The following FRMD3 variants were observed in gnomAD, a reference collection of about 807,000 sequenced individuals.
The protein encoded by FRMD3 is FERM domain containing 3, also known as FERM domain-containing protein 3.
A neutral mutation model predicts 70.2 loss-of-function variants in FRMD3; 33 were observed. That is an observed-to-expected ratio of 0.47 (90% CI 0.36 to 0.63). FRMD3 has a LOEUF of 0.63. FRMD3 is among the 20% of genes least tolerant of loss of function. The probability of loss-of-function intolerance (pLI) is 0.00; values close to 1 mark genes in which losing one functional copy is unlikely to be tolerated. For synonymous variants in FRMD3, 279 were observed against 255.9 expected, an observed-to-expected ratio of 1.09 and a Z score of -0.86; for missense variants, 632 against 711.4, an observed-to-expected ratio of 0.89 and a Z score of 1.27.
intron 1 of FRMD3, among the ~76,000 whole-genome samples, chr9:83,487,193 A>T (rs948314542): frequency 6.6e-6 from 1 of 152,236 alleles, no homozygotes; most frequent in Non-Finnish European, 1.5e-5. Context: ...TTATGCCAGT[A>T]GTCACAAACC....
intron 1 of FRMD3, among the ~76,000 whole-genome samples, chr9:83,534,304 C>T (rs947303803): frequency 6.6e-6 from 1 of 152,238 alleles, no homozygotes; most frequent in Non-Finnish European, 1.5e-5. Flanking sequence ...GAGCCAGTGA[C>T]TTCCACATCT....
At position 83,267,007 on chromosome 9, in the gene FRMD3, C is replaced by A. The variant is rs564439286; in HGVS notation, c.1196-18491G>T. ...CAGGATGACAGCCCAGGGCACCACA[C>A]ATACCAGTGTTACGAGCTGTGACCT... is the stretch of plus-strand genomic sequence containing the variant. On this transcript the variant is annotated intron_variant, in intron 13 of 13. Transcript: ENST00000304195. The A allele has an allele frequency of 2.6e-6, 4 of 1,550,730 alleles. No homozygotes were observed. In the Admixed American group the frequency reaches 7.8e-5, roughly 30 times the overall value.
chr9:83,500,502 G>GCACA lies in FRMD3; in HGVS notation c.147+37579_147+37582dup, dbSNP rs3084172. ...CATAGAGTGCTTGGCGTGTATGCGC[G>GCACA]CACACACACACACACACACACACAC... On this transcript the variant is annotated intron_variant, in intron 1 of 13. Coordinates refer to ENST00000304195, the MANE Select transcript of FRMD3 (RefSeq NM_174938.6). 7.3e-3 allele frequency among the ~76,000 whole-genome samples: 1,054 copies of GCACA among 143,772 alleles called. 10 individuals are homozygous for GCACA. The highest frequency in any genetic ancestry group is 0.016 in the African/African-American group (617 of 39,080). 94.3% of individuals were successfully genotyped at this position (143,772 alleles called of 152,430 possible).
At chr9:83,295,998 G>A (rs761867113) in intron 12 of FRMD3, among the ~76,000 whole-genome samples, 2 of 152,224 alleles carry the variant, frequency 1.3e-5, no homozygotes, top group African/African-American at 2.4e-5. Context: ...AGCAGATGTA[G>A]GAGTCTGTGA....
Position 83,248,038 on chromosome 9 carries a change from G to T in FRMD3, c.1674C>A (p.Phe558Leu). The T allele has an allele frequency of 1.2e-6, 2 of 1,614,152 alleles. No individual in the cohort carries two copies. Among genetic ancestry groups the T allele is most frequent in the Non-Finnish European group, 1.7e-6 (2 of 1,180,030 alleles). ...CTGGTGTCTGGCGGATTTCGCATAA[G>T]AAGGAGAGATCAATACCTGACTCCA... is the stretch of plus-strand genomic sequence containing the variant. Reference protein sequence around the residue: ...LLLESGIDLSFLCEIRQTPEF... With the variant: ...LLLESGIDLSLLCEIRQTPEF... Residue 558 changes from phenylalanine to leucine, a missense_variant, in exon 14 of 14, where the codon TTC becomes TTA. Phe to Leu is a conservative substitution (Grantham distance 22). This residue lies in a region of FRMD3 where 418 missense variants were observed against 442.1 expected (regional missense o/e 0.95). Transcript: ENST00000304195.
intron 10 of FRMD3, among the ~76,000 whole-genome samples, chr9:83,302,872 C>T (rs1359166): frequency 0.18 from 27,798 of 152,114 alleles, 3,081 homozygotes; most frequent in East Asian, 0.41. Context: ...CGCTCTCCTA[C>T]AGCCTTCTGC....
chr9:83,299,254 TGTG>T, intron 10 of FRMD3, 68 bp from the exon 11 acceptor site: 2 of 942,300 alleles, frequency 2.1e-6, no homozygotes, highest in South Asian at 2.9e-5. Flanking sequence ...GCTATAGAGG[TGTG>T]GTGATGGGGT....
In FRMD3 at chr9:83,398,732, C is replaced by G. The variant is rs140629639; in HGVS notation, c.148-9024G>C. The stretch of plus-strand genomic sequence containing the variant: ...TCTGTTTTAGAGTAATAATTAGTAG[C>G]TAAAGCTAAGATAATTGCAAATACA... On this transcript the variant is annotated intron_variant, in intron 1 of 13. Transcript: ENST00000304195. 6.2e-3 allele frequency among the ~76,000 whole-genome samples: 945 copies of G among 152,190 alleles called. 11 individuals are homozygous for G. Among genetic ancestry groups the G allele is most frequent in the African/African-American group, 0.022 (896 of 41,514 alleles).
chr9:83,525,675 G>A (rs373738671), intron 1 of FRMD3, among the ~76,000 whole-genome samples: 2 of 152,150 alleles, frequency 1.3e-5, no homozygotes, highest in African/African-American at 4.8e-5. Flanking sequence ...ACTGAAAGAG[G>A]TCTTTTTCAT....
upstream of FRMD3, among the ~76,000 whole-genome samples, chr9:83,539,539 G>A (rs1829972980): frequency 5.3e-5 from 8 of 152,320 alleles, no homozygotes; most frequent in South Asian, 1.7e-3. Flanking sequence ...GTTTGTGCCT[G>A]CATAGAGTCC....
At chr9:83,557,201 T>C in the FRMD3 span, among the ~76,000 whole-genome samples, 1 of 152,216 alleles carries the variant, frequency 6.6e-6, no homozygotes, top group Non-Finnish European at 1.5e-5. Context: ...AGTCTTCTCT[T>C]CCAAGGCATC....
chr9:83,261,291 C>G (rs1177392869), intron 13 of FRMD3, among the ~76,000 whole-genome samples: 1 of 152,166 alleles, frequency 6.6e-6, no homozygotes, highest in African/African-American at 2.4e-5. Flanking sequence ...TTCATCCTTG[C>G]AGACTAAACT....
At chr9:83,272,320 C>T (rs1833590602) in intron 13 of FRMD3, among the ~76,000 whole-genome samples, 1 of 151,962 alleles carries the variant, frequency 6.6e-6, no homozygotes, top group Non-Finnish European at 1.5e-5. Flanking sequence ...GTTGGCCGGG[C>T]TGGTCTCCAG....
In FRMD3 at chr9:83,311,989, AAAAG is replaced by A. The variant is rs746013802; in HGVS notation, c.685-18_685-15del. On this transcript the variant is annotated splice_polypyrimidine_tract_variant and intron_variant, in intron 7 of 13. Coordinates refer to ENST00000304195, the MANE Select transcript of FRMD3 (RefSeq NM_174938.6). ...GCCTGTTGAATCCTGAAAAAAAAAA[AAAAG>A]AAAAAAGAAAAATCTGTTTAGATTG... The A allele has an allele frequency of 2.1e-5, 32 of 1,543,924 alleles. No homozygotes were observed. The African/African-American group carries it at 2.1e-4, about 10-fold the overall frequency.
chr9:83,492,875 T>C (rs1035878411), intron 1 of FRMD3, among the ~76,000 whole-genome samples: 3 of 152,194 alleles, frequency 2.0e-5, no homozygotes, highest in African/African-American at 4.8e-5. Flanking sequence ...CTCGTCCTCA[T>C]AGCTCTCCCC....
intron 6 of FRMD3, among the ~76,000 whole-genome samples, chr9:83,320,225 T>C (rs1340659905): frequency 6.6e-6 from 1 of 152,218 alleles, no homozygotes; most frequent in Non-Finnish European, 1.5e-5. Flanking sequence ...CATCTTTGTC[T>C]TGTTCCCGTT....
rs1564021879 is a variant in FRMD3, at chr9:83,335,642, G to A, written c.473-3C>T. ...AGGATCGTAATCACCAAGCTCAGCT[G>A]TAATGAGTGAAAAAATAAAGAGACA... On this transcript the variant is annotated splice_polypyrimidine_tract_variant and splice_region_variant and intron_variant, in intron 5 of 13. Coordinates refer to ENST00000304195, the MANE Select transcript of FRMD3 (RefSeq NM_174938.6). The A allele has an allele frequency of 6.2e-7, 1 of 1,609,816 alleles. No homozygotes were observed.
At chr9:83,428,300 C>T (rs1417646394) in intron 1 of FRMD3, among the ~76,000 whole-genome samples, 2 of 151,874 alleles carry the variant, frequency 1.3e-5, no homozygotes, top group African/African-American at 4.8e-5. Flanking sequence ...ATTGCTTGAA[C>T]CCGGGAGGCA....
At chr9:83,442,133 A>T (rs1160231474) in intron 1 of FRMD3, among the ~76,000 whole-genome samples, 2 of 152,152 alleles carry the variant, frequency 1.3e-5, no homozygotes, top group African/African-American at 2.4e-5. Context: ...TCAGATTTGG[A>T]ATAACACTGA....
Sources: gnomAD v4.1 joint callset for allele counts (sites outside exome capture counted in the v4.1 genomes callset) on GRCh38, gnomAD v4.1.1 for gene constraint, gnomAD v4.1.1 regional missense constraint, MANE v1.5 for transcripts, NCBI Gene and HGNC (gene_info 2026-07-23, HGNC 2026-07-21) for gene names.